CFAP43: variants seen among roughly 807,000 people sequenced by gnomAD.
CFAP43 encodes the protein cilia and flagella associated protein 43.
Under a neutral mutation model 218.9 loss-of-function variants are expected in CFAP43, and 155 were observed. The ratio of observed to expected loss-of-function variants is 0.71; its 90% confidence interval spans 0.62 to 0.81. The LOEUF (loss-of-function observed/expected upper bound fraction) is 0.81, where lower values mean the gene tolerates loss of function less well. CFAP43 is among the 30% of genes least tolerant of loss of function. The probability of loss-of-function intolerance (pLI) is 0.00; values close to 1 mark genes in which losing one functional copy is unlikely to be tolerated. For synonymous variants in CFAP43, 645 were observed against 681.3 expected (o/e 0.95, Z 0.83); for missense variants, 1,778 against 1,954.3 (o/e 0.91, Z 1.70).
chr10:104,175,553 T>G (rs914600770), intron 19 of CFAP43, among the ~76,000 whole-genome samples: 1 of 152,300 alleles, frequency 6.6e-6, no homozygotes, highest in South Asian at 2.1e-4. Context: ...GTAGACATGA[T>G]GGGCTGTGAA....
At chr10:104,222,001 C>T (rs1023696159) in intron 3 of CFAP43, among the ~76,000 whole-genome samples, 7 of 152,162 alleles carry the variant, frequency 4.6e-5, no homozygotes, top group South Asian at 2.1e-4. Context: ...CCATTCCCCA[C>T]CTACTTTAGA....
At chr10:104,158,680 G>A (rs376524529) in intron 27 of CFAP43, among the ~76,000 whole-genome samples, 12 of 152,088 alleles carry the variant, frequency 7.9e-5, no homozygotes, top group East Asian at 7.7e-4. Context: ...GGACAACAGG[G>A]TAATCTGAAT....
intron 20 of CFAP43, among the ~76,000 whole-genome samples, chr10:104,171,229 A>G (rs1002346320): frequency 6.6e-6 from 1 of 152,168 alleles, no homozygotes; most frequent in African/African-American, 2.4e-5. Flanking sequence ...TTCTATTCCC[A>G]GCACCTAGAT....
chr10:104,193,254 A>T (rs2090283153), intron 11 of CFAP43: 1 of 152,354 alleles, frequency 6.6e-6, no homozygotes, highest in Non-Finnish European at 1.5e-5. Flanking sequence ...ATAATGGAAT[A>T]CTATGTGGCT....
intron 37 of CFAP43, among the ~76,000 whole-genome samples, chr10:104,130,801 C>T (rs1436865852): frequency 6.6e-6 from 1 of 151,820 alleles, no homozygotes; most frequent in Non-Finnish European, 1.5e-5. Flanking sequence ...AGTTCGAGGC[C>T]AGCCTGGCCA....
chr10:104,205,212 C>CAAAAAAAAAAAAAAAAAAAAAAAA (rs71022723), intron 7 of CFAP43, among the ~76,000 whole-genome samples: 5 of 56,570 alleles, frequency 8.8e-5, no homozygotes, highest in Non-Finnish European at 1.4e-4. Flanking sequence ...GACTCCGTCT[C>CAAAAAAAAAAAAAAAAAAAAAAAA]AAAAAAAAAA....
chr10:104,168,076 T>C (rs547127588), intron 21 of CFAP43, among the ~76,000 whole-genome samples: 1 of 152,290 alleles, frequency 6.6e-6, no homozygotes, highest in East Asian at 1.9e-4. Flanking sequence ...ACAATGCTAC[T>C]GTCTCCAAAT....
At chr10:104,191,786 G>GT (rs1485799825) in intron 12 of CFAP43, among the ~76,000 whole-genome samples, 4 of 91,688 alleles carry the variant, frequency 4.4e-5, no homozygotes, top group African/African-American at 1.6e-4. Context: ...AAAATTGTGT[G>GT]TGTGGGGGGG....
chr10:104,187,245 G>T, intron 14 of CFAP43, 75 bp downstream of exon 14: 1 of 1,245,930 alleles, frequency 8.0e-7, no homozygotes, highest in Non-Finnish European at 1.1e-6. Flanking sequence ...TGGTCAAGAG[G>T]ATCACATCTA....
At chr10:104,215,050 G>T (rs1159218182) in intron 3 of CFAP43, among the ~76,000 whole-genome samples, 1 of 151,992 alleles carries the variant, frequency 6.6e-6, no homozygotes, top group African/African-American at 2.4e-5. Context: ...CAGGAGCATC[G>T]CTTGAACCTG....
chr10:104,214,125 G>A (rs2090945089), intron 4 of CFAP43, 134 bp downstream of exon 4: 4 of 679,660 alleles, frequency 5.9e-6, no homozygotes, highest in South Asian at 4.8e-5. Flanking sequence ...TAAGCTGAAC[G>A]TATGTGTGTG....
At position 104,184,053 on chromosome 10, in the gene CFAP43, C is replaced by T. The variant is rs1325530259; in HGVS notation, c.2141+963G>A. Among the ~76,000 whole-genome samples, 9 of 152,208 alleles carry T rather than the reference C, an allele frequency of 5.9e-5. No individual in the cohort carries two copies. The South Asian group carries it at 8.3e-4, about 14-fold the overall frequency. On this transcript the variant is annotated intron_variant, in intron 16 of 37. Coordinates refer to ENST00000357060, the MANE Select transcript of CFAP43 (RefSeq NM_025145.7). ...ACTGCTTTGATCACAGGAGGTATCA[C>T]GAAATATTATTTTTTCTAAAATGAA...
At chr10:104,167,292 T>A (rs577767834) in intron 22 of CFAP43, among the ~76,000 whole-genome samples, 24 of 152,224 alleles carry the variant, frequency 1.6e-4, no homozygotes, top group Middle Eastern at 3.4e-3. Flanking sequence ...TAAAATACAA[T>A]CCCTAGTGAC....
Position 104,161,086 on chromosome 10 carries a change from T to C in CFAP43, c.3491A>G (p.Tyr1164Cys), listed in dbSNP as rs144438558. The C allele has an allele frequency of 7.7e-5, 125 of 1,613,220 alleles. No individual in the cohort carries two copies. The highest frequency in any genetic ancestry group is 9.2e-5 in the Non-Finnish European group (108 of 1,179,444). The stretch of plus-strand genomic sequence containing the variant: ...ATTTAACTCCTTTACTTTTTTCTCA[T>C]AATCTTTGAATTGTTTTCTTTCTTC... ...TEEERKQFKD[Y>C]EKKVKELNEE... is the part of the protein sequence containing the mutation. Residue 1164 changes from tyrosine to cysteine, a missense_variant, in exon 27 of 38, where the codon TAT (tyrosine) becomes TGT (cysteine). Physicochemically the swap from Tyr to Cys is radical, Grantham distance 194 (BLOSUM62 -2). This residue lies in a region of CFAP43 where 1,553 missense variants were observed against 1,685.2 expected (regional missense o/e 0.92). Coordinates refer to ENST00000357060, the MANE Select transcript of CFAP43 (RefSeq NM_025145.7).
chr10:104,220,576 CAA>C (rs35218590), intron 3 of CFAP43, among the ~76,000 whole-genome samples: 1 of 147,674 alleles, frequency 6.8e-6, no homozygotes, highest in South Asian at 2.1e-4. Context: ...GCTATAAGAA[CAA>C]AAAAAAAATG....
chr10:104,223,202 G>A (rs1564816819), intron 3 of CFAP43, among the ~76,000 whole-genome samples: 1 of 152,166 alleles, frequency 6.6e-6, no homozygotes, highest in Non-Finnish European at 1.5e-5. Context: ...GTGACCATGT[G>A]GGAATACAGG....
At chr10:104,190,826 C>T (rs1398067988) in intron 12 of CFAP43, among the ~76,000 whole-genome samples, 12 of 152,222 alleles carry the variant, frequency 7.9e-5, no homozygotes, top group East Asian at 3.8e-4. Flanking sequence ...TAAGAGCACA[C>T]GCCCTGAAAC....
intron 33 of CFAP43, 37 bp from the exon 34 acceptor site, chr10:104,141,038 T>C (rs2087683031): frequency 6.4e-7 from 1 of 1,567,742 alleles, no homozygotes; most frequent in East Asian, 2.3e-5. Flanking sequence ...GTAGTTGTAA[T>C]ATATTTCAAA....
chr10:104,168,030 T>C (rs559477871), intron 21 of CFAP43, among the ~76,000 whole-genome samples: 5 of 152,274 alleles, frequency 3.3e-5, no homozygotes, highest in South Asian at 2.1e-4. Context: ...CCCAAGACAT[T>C]TGGCAACTTT....
Sources: gnomAD v4.1 joint callset for allele counts (sites outside exome capture counted in the v4.1 genomes callset) on GRCh38, gnomAD v4.1.1 for gene constraint, gnomAD v4.1.1 regional missense constraint, MANE v1.5 for transcripts, NCBI Gene and HGNC (gene_info 2026-07-23, HGNC 2026-07-21) for gene names.